The following SFTPC variants were observed in gnomAD, a reference collection of about 807,000 sequenced individuals.
SFTPC encodes the protein BRICHOS domain containing 6.
Under a neutral mutation model 19.9 loss-of-function variants are expected in SFTPC, and 12 were observed. The ratio of observed to expected loss-of-function variants is 0.60; its 90% CI spans 0.39 to 0.98. The LOEUF (loss-of-function observed/expected upper bound fraction) is 0.98, where lower values mean the gene tolerates loss of function less well. Among genes scored for constraint, SFTPC ranks in the 50% least tolerant of loss-of-function variants. SFTPC has a pLI of 0.00. For missense variants in SFTPC, 219 were observed against 252.2 expected, an observed-to-expected ratio of 0.87 and a Z score of 0.89; for synonymous variants, 123 against 103.3, an observed-to-expected ratio of 1.19 and a Z score of -1.16.
chr8:22,164,402 G>GGGAGTGGGCAGA lies in SFTPC; in HGVS notation c.*158_*169dup. On this transcript the variant is annotated 3_prime_UTR_variant, in exon 6 of 6. Coordinates refer to ENST00000679463, the MANE Select transcript of SFTPC (RefSeq NM_001317778.2). Reference sequence around the variant, plus strand: ...AGAAATGGGAGCTTGGGGAGAGGATGGGAGTGGGCAGAGGTGGCGCCCAGG... The same window carrying GGGAGTGGGCAGA: ...AGAAATGGGAGCTTGGGGAGAGGATGGGAGTGGGCAGAGGAGTGGGCAGAGGTGGCGCCCAGG... 1 of 1,528,756 alleles carries GGGAGTGGGCAGA rather than the reference G, an allele frequency of 6.5e-7. No homozygotes were observed. The highest frequency in any genetic ancestry group is 8.7e-7 in the Non-Finnish European group (1 of 1,143,710). The allele number at this position is 1,528,756 out of a possible 1,614,324, so 94.7% of individuals were successfully genotyped here.
chr8:22,157,573 C>G (rs534611972), upstream of SFTPC: 13 of 152,612 alleles, frequency 8.5e-5, no homozygotes, highest in African/African-American at 3.1e-4. Context: ...TCCGCCCACT[C>G]TGCCCAGCTT....
At position 22,164,075 on chromosome 8, in the gene SFTPC, C is replaced by T. The variant is rs1185697044; in HGVS notation, c.*18+16C>T. On this transcript the variant is annotated intron_variant, in intron 5 of 5. Transcript: ENST00000679463. The stretch of plus-strand genomic sequence containing the variant: ...CGGTGAGCAGGTGTGATCCCAGGGC[C>T]CCTGATCAGCAGCGGAGGAGCGCTC... 1.9e-6 allele frequency: 3 copies of T among 1,611,504 alleles called. No homozygotes were observed. Among genetic ancestry groups the T allele is most frequent in the Non-Finnish European group, 2.5e-6 (3 of 1,179,950 alleles).
At chr8:22,160,461 A>G (rs1418663465), upstream of SFTPC, among the ~76,000 whole-genome samples, 2 of 152,180 alleles carry the variant, frequency 1.3e-5, no homozygotes, top group African/African-American at 4.8e-5. Context: ...ACAAGCAAAA[A>G]TTAGCTGGGC....
chr8:22,164,414 A>G lies in SFTPC; in HGVS notation c.*167A>G, dbSNP rs1586425457. 1 of 1,511,528 alleles carries G rather than the reference A, an allele frequency of 6.6e-7. No individual in the cohort carries two copies. The highest frequency in any genetic ancestry group is 8.8e-7 in the Non-Finnish European group (1 of 1,136,634). 93.6% of individuals were successfully genotyped at this position (1,511,528 alleles called of 1,614,324 possible). On this transcript the variant is annotated 3_prime_UTR_variant, in exon 6 of 6. Coordinates refer to ENST00000679463, the MANE Select transcript of SFTPC (RefSeq NM_001317778.2). ...TTGGGGAGAGGATGGGAGTGGGCAG[A>G]GGTGGCGCCCAGGGGCCCGGGAACT...
Position 22,163,975 on chromosome 8 carries a change from G to T in SFTPC, c.510G>T (p.Gly170=). The T allele has an allele frequency of 6.2e-7, 1 of 1,612,996 alleles. No homozygotes were observed. Among genetic ancestry groups the T allele is most frequent in the Non-Finnish European group, 8.5e-7 (1 of 1,180,024 alleles). The change falls in exon 5 of 6, where the codon GGG becomes GGT. Residue 170 remains glycine, a synonymous_variant. Coordinates refer to ENST00000679463, the MANE Select transcript of SFTPC (RefSeq NM_001317778.2). The part of the protein sequence containing the change: ...GRDAGSAPSG[G]DPAFLGMAVS... ...ATGCAGGCTCAGCACCCTCCGGAGG[G>T]GACCCGGCCTTCCTGGGCATGGCCG...
At chr8:22,164,158 A>G (rs1381136015) in intron 5 of SFTPC, 99 bp downstream of exon 5, 23 of 1,552,418 alleles carry the variant, frequency 1.5e-5, no homozygotes, top group Non-Finnish European at 1.7e-5. Context: ...TGGGGCGTCC[A>G]CTGAAGCGGG....
At chr8:22,158,171 G>A (rs183002902), upstream of SFTPC, among the ~76,000 whole-genome samples, 215 of 152,304 alleles carry the variant, frequency 1.4e-3, no homozygotes, top group Non-Finnish European at 2.5e-3. Context: ...GAAGACCACT[G>A]GCTTTAAGAT....
At chr8:22,161,936 C>T in intron 1 of SFTPC, 66 bp downstream of exon 1, 1 of 1,473,190 alleles carries the variant, frequency 6.8e-7, no homozygotes, top group Admixed American at 1.7e-5. Context: ...GCCCTGCCTC[C>T]TCTATCCTCC....
intron 4 of SFTPC, 21 bp from the exon 5 acceptor site, chr8:22,163,880 C>T (rs754322616): frequency 1.2e-6 from 2 of 1,605,136 alleles, no homozygotes; most frequent in Middle Eastern, 1.7e-4. Context: ...TCCTACATTC[C>T]AGATGGAATG....
upstream of SFTPC, chr8:22,159,766 C>A (rs867755665): frequency 3.9e-6 from 5 of 1,288,694 alleles, no homozygotes; most frequent in East Asian, 1.1e-4. Context: ...AACAACATGG[C>A]CCCCCGAGAT....
At chr8:22,161,893 A>G (rs1405108796) in intron 1 of SFTPC, 23 bp downstream of exon 1, 4 of 1,611,804 alleles carry the variant, frequency 2.5e-6, no homozygotes, top group East Asian at 4.5e-5. Context: ...GCGTGTGTGT[A>G]TGTATGTGTG....
upstream of SFTPC, chr8:22,159,429 A>G (rs4995702): frequency 0.47 from 134,274 of 283,430 alleles, 32,999 homozygotes; most frequent in East Asian, 0.77. Context: ...GGAGGGGGAA[A>G]TTTGGCACAC....
intron 1 of SFTPC, among the ~76,000 whole-genome samples, chr8:22,162,233 G>A (rs1198406195): frequency 1.3e-5 from 2 of 152,210 alleles, no homozygotes; most frequent in East Asian, 3.8e-4. Context: ...ATTCCAGGAA[G>A]GAGGGAGACT....
chr8:22,163,229 T>G, intron 3 of SFTPC, 27 bp downstream of exon 3: 2 of 1,614,078 alleles, frequency 1.2e-6, no homozygotes. Context: ...CTCCTGACCC[T>G]GGGACCAATG....
intron 3 of SFTPC, 23 bp from the exon 4 acceptor site, chr8:22,163,413 G>T (rs772176099): frequency 3.7e-6 from 6 of 1,601,716 alleles, no homozygotes; most frequent in Non-Finnish European, 4.3e-6. Flanking sequence ...ACCCCCGAAT[G>T]ATCTCCAGCA....
chr8:22,157,394 T>C, upstream of SFTPC: 1 of 186,470 alleles, frequency 5.4e-6, no homozygotes, highest in Non-Finnish European at 1.1e-5. Context: ...GTCCAGCCCT[T>C]TGTCTAACAA....
chr8:22,163,589 G>GCAGCCCT, intron 4 of SFTPC, 43 bp downstream of exon 4: 1 of 1,376,150 alleles, frequency 7.3e-7, no homozygotes, highest in Non-Finnish European at 1.0e-6. Context: ...CTCCCTCCCA[G>GCAGCCCT]GGCTGCTGGG....
rs1332640683 is a variant in SFTPC at position 22,164,045 on chromosome 8, G to A, written c.*4G>A. On this transcript the variant is annotated 3_prime_UTR_variant, in exon 5 of 6. Transcript: ENST00000679463. ...GGTGCCGCTCTACTACATCTAGGAC[G>A]CCTCCGGTGAGCAGGTGTGATCCCA... 3 of 1,611,902 alleles carry A rather than the reference G, an allele frequency of 1.9e-6. No homozygotes were observed. Among genetic ancestry groups the A allele is most frequent in the Non-Finnish European group, 1.7e-6 (2 of 1,180,002 alleles).
upstream of SFTPC, chr8:22,159,845 G>T: frequency 4.7e-6 from 6 of 1,289,338 alleles, no homozygotes; most frequent in Non-Finnish European, 6.1e-6. Flanking sequence ...CCTGGCTCAG[G>T]CCCAGTACTC....
Sources: gnomAD v4.1 joint callset for allele counts (sites outside exome capture counted in the v4.1 genomes callset) on GRCh38, gnomAD v4.1.1 for gene constraint, MANE v1.5 for transcripts, NCBI Gene and HGNC (gene_info 2026-07-23, HGNC 2026-07-21) for gene names.